The following HS3ST4 variants were observed in gnomAD, a reference collection of about 807,000 sequenced individuals.
HS3ST4 encodes heparan sulfate glucosamine 3-O-sulfotransferase 4.
HS3ST4 carries 17 observed loss-of-function variants against 29.2 expected under a neutral mutation model. The ratio of observed to expected loss-of-function variants is 0.58; its 90% confidence interval spans 0.40 to 0.87. HS3ST4 has a LOEUF of 0.87. Ranked by LOEUF, HS3ST4 falls within the 40% of genes least tolerant of loss-of-function variation. The probability of loss-of-function intolerance (pLI) is 0.00; values close to 1 mark genes in which losing one functional copy is unlikely to be tolerated. For missense variants in HS3ST4, 627 were observed against 634.5 expected (o/e 0.99, Z 0.13); for synonymous variants, 314 against 285.7 (o/e 1.10, Z -1.00).
chr16:25,940,272 G>GTA (rs1555473516), intron 1 of HS3ST4, among the ~76,000 whole-genome samples: 1 of 151,012 alleles, frequency 6.6e-6, no homozygotes, highest in Non-Finnish European at 1.5e-5. Context: ...TGATGATTAA[G>GTA]CTATTCTGGG....
At chr16:25,829,889 T>C (rs1205737523) in intron 1 of HS3ST4, among the ~76,000 whole-genome samples, 1 of 152,202 alleles carries the variant, frequency 6.6e-6, no homozygotes, top group African/African-American at 2.4e-5. Context: ...AGTGGTGCAA[T>C]CTCAGCTTAA....
intron 1 of HS3ST4, among the ~76,000 whole-genome samples, chr16:25,989,964 T>G (rs1393780155): frequency 2.6e-5 from 4 of 152,234 alleles, no homozygotes; most frequent in Non-Finnish European, 5.9e-5. Flanking sequence ...TATGTAATGA[T>G]ATATACCTGC....
chr16:25,853,612 G>A (rs1967543454), intron 1 of HS3ST4, among the ~76,000 whole-genome samples: 1 of 152,084 alleles, frequency 6.6e-6, no homozygotes, highest in Admixed American at 6.6e-5. Flanking sequence ...TATCATGAAA[G>A]GATGTAGAGT....
chr16:25,889,451 G>A (rs1967986180), intron 1 of HS3ST4, among the ~76,000 whole-genome samples: 1 of 152,094 alleles, frequency 6.6e-6, no homozygotes, highest in Admixed American at 6.5e-5. Flanking sequence ...GTGTCTAAAT[G>A]TTTCTTAGCA....
chr16:25,923,170 A>G (rs922861423), intron 1 of HS3ST4, among the ~76,000 whole-genome samples: 1 of 152,206 alleles, frequency 6.6e-6, no homozygotes, highest in African/African-American at 2.4e-5. Context: ...CAAACAAGAC[A>G]TTCTAGGATG....
intron 1 of HS3ST4, among the ~76,000 whole-genome samples, chr16:26,021,361 T>C (rs1218029508): frequency 6.6e-6 from 1 of 152,234 alleles, no homozygotes; most frequent in African/African-American, 2.4e-5. Context: ...ATGGATGAGA[T>C]GGGACAGACA....
intron 1 of HS3ST4, among the ~76,000 whole-genome samples, chr16:25,857,924 CTTTCTTTCTTT>C (rs1567257104): frequency 1.9e-4 from 8 of 42,172 alleles, no homozygotes; most frequent in Non-Finnish European, 2.5e-4. Context: ...TCCTTCCTTT[CTTTCTTTCTTT>C]CTTTCTTTCT....
At chr16:25,794,967 T>C (rs1462488210) in intron 1 of HS3ST4, among the ~76,000 whole-genome samples, 1 of 150,310 alleles carries the variant, frequency 6.7e-6, no homozygotes, top group Non-Finnish European at 1.5e-5. Context: ...CATCTTTTTT[T>C]CTTTACTTTT....
chr16:26,119,365 GGAA>G (rs1899241692), intron 1 of HS3ST4, among the ~76,000 whole-genome samples: 2 of 152,196 alleles, frequency 1.3e-5, no homozygotes, highest in African/African-American at 2.4e-5. Context: ...TGGAGCGATG[GGAA>G]GAAGAAGTTA....
chr16:25,821,419 A>AT (rs1284015145), intron 1 of HS3ST4, among the ~76,000 whole-genome samples: 6 of 151,814 alleles, frequency 4.0e-5, no homozygotes, highest in Non-Finnish European at 8.8e-5. Flanking sequence ...TCCTTTGCCC[A>AT]TTTTTTCTAA....
chr16:25,716,490 G>A (rs534827544), intron 1 of HS3ST4, among the ~76,000 whole-genome samples: 22 of 152,332 alleles, frequency 1.4e-4, no homozygotes, highest in African/African-American at 5.0e-4. Flanking sequence ...ACAGTCATTA[G>A]GTGCCAGGTA....
chr16:25,839,255 G>C (rs934861971), intron 1 of HS3ST4, among the ~76,000 whole-genome samples: 3 of 152,140 alleles, frequency 2.0e-5, no homozygotes, highest in Non-Finnish European at 2.9e-5. Context: ...TGTTTGGGAA[G>C]ATGTATCTGA....
intron 1 of HS3ST4, among the ~76,000 whole-genome samples, chr16:25,898,758 C>CT (rs1328917071): frequency 1.3e-5 from 2 of 152,188 alleles, no homozygotes; most frequent in Non-Finnish European, 2.9e-5. Flanking sequence ...GGCTTGCTCT[C>CT]TTTGTGCTAA....
At chr16:26,040,287 TC>T in intron 1 of HS3ST4, among the ~76,000 whole-genome samples, 1 of 150,938 alleles carries the variant, frequency 6.6e-6, no homozygotes, top group Non-Finnish European at 1.5e-5. Context: ...GCTGTCAGTA[TC>T]TTTCTTTCTT....
chr16:25,998,330 A>G (rs1254301012), intron 1 of HS3ST4, among the ~76,000 whole-genome samples: 1 of 152,184 alleles, frequency 6.6e-6, no homozygotes, highest in Non-Finnish European at 1.5e-5. Flanking sequence ...ATCAAAGTAC[A>G]TTTGGATACG....
At chr16:26,072,459 A>G (rs759778840) in intron 1 of HS3ST4, among the ~76,000 whole-genome samples, 3 of 152,190 alleles carry the variant, frequency 2.0e-5, no homozygotes, top group Non-Finnish European at 4.4e-5. Flanking sequence ...TGTAATTGGC[A>G]GGGATATATG....
In HS3ST4 at chr16:25,850,001, C is replaced by CTT. The variant is rs11342321; in HGVS notation, c.734+156864_734+156865dup. On this transcript the variant is annotated intron_variant, in intron 1 of 1. Transcript: ENST00000331351. Reference sequence around the variant, plus strand: ...AATGAAAATATAGATGCCTAGATGCCTTTTTTTTTTTTTTTGAGACGGAGT... The same window carrying CTT: ...AATGAAAATATAGATGCCTAGATGCCTTTTTTTTTTTTTTTTTGAGACGGAGT... 9.6e-3 allele frequency among the ~76,000 whole-genome samples: 1,286 copies of CTT among 133,868 alleles called. 24 individuals carry two copies. Among genetic ancestry groups the CTT allele is most frequent in the African/African-American group, 0.031 (1,109 of 35,852 alleles). The allele number at this position is 133,868 out of a possible 152,430, so 87.8% of individuals were successfully genotyped here.
At position 26,014,704 on chromosome 16, in the gene HS3ST4, A is replaced by G. The variant is rs112066329; in HGVS notation, c.735-120908A>G. ...CTTTTTTATGGCTGCATAGTATTCC[A>G]TGGTGTATATGTGTCATATTTTCTT... is the stretch of plus-strand genomic sequence containing the variant. On this transcript the variant is annotated intron_variant, in intron 1 of 1. Transcript: ENST00000331351. Among the ~76,000 whole-genome samples, 648 of 152,274 alleles carry G rather than the reference A, an allele frequency of 4.3e-3. 2 individuals are homozygous for G. The highest frequency in any genetic ancestry group is 0.015 in the African/African-American group (626 of 41,554).
In HS3ST4 at chr16:25,850,555, T is replaced by C. The variant is rs1967509323; in HGVS notation, c.734+157404T>C. Among the ~76,000 whole-genome samples the C allele has an allele frequency of 2.0e-5, 3 of 152,216 alleles. 1 individual carries two copies. The South Asian group carries it at 6.2e-4, about 31-fold the overall frequency. On this transcript the variant is annotated intron_variant, in intron 1 of 1. Coordinates refer to ENST00000331351, the MANE Select transcript of HS3ST4 (RefSeq NM_006040.3). ...GTATTGGAAGTATCTACTTAACTAATTTTTTCCTGGATTCATGGAAAAGAA... is the reference window on the plus strand; with the variant it reads ...GTATTGGAAGTATCTACTTAACTAACTTTTTCCTGGATTCATGGAAAAGAA...
Sources: gnomAD v4.1 joint callset for allele counts (sites outside exome capture counted in the v4.1 genomes callset) on GRCh38, gnomAD v4.1.1 for gene constraint, MANE v1.5 for transcripts, NCBI Gene and HGNC (gene_info 2026-07-23, HGNC 2026-07-21) for gene names.